TRIM24: variants seen among roughly 807,000 people sequenced by gnomAD.
The protein encoded by TRIM24 is transcription intermediary factor 1-alpha.
In TRIM24, 29 loss-of-function variants were observed where a neutral mutation model predicts 123.9. The ratio of observed to expected loss-of-function variants is 0.23; its 90% CI spans 0.17 to 0.32. The LOEUF is 0.32. Ranked by LOEUF, TRIM24 falls within the 10% of genes least tolerant of loss-of-function variation. The probability of loss-of-function intolerance (pLI) is 1.00; values close to 1 mark genes in which losing one functional copy is unlikely to be tolerated. For missense variants in TRIM24, 932 were observed against 1,295.3 expected, an observed-to-expected ratio of 0.72 and a Z score of 4.31; for synonymous variants, 456 against 461.1, an observed-to-expected ratio of 0.99 and a Z score of 0.14.
At chr7:138,533,317 A>G (rs1405410483) in intron 6 of TRIM24, among the ~76,000 whole-genome samples, 3 of 152,158 alleles carry the variant, frequency 2.0e-5, no homozygotes, top group Non-Finnish European at 4.4e-5. Flanking sequence ...GAATGCTTCC[A>G]GTTTTTGCCC....
At position 138,588,068 on chromosome 7, in the gene TRIM24, T is replaced by C. The variant is rs1192835416; in HGVS notation, c.*3117T>C. On this transcript the variant is annotated 3_prime_UTR_variant, in exon 19 of 19. Coordinates refer to ENST00000343526, the MANE Select transcript of TRIM24 (RefSeq NM_015905.3). ...ACTGCTATATTTTACTACCACATAG[T>C]AGTGTAGATGTAGTATAACTTGCTT... 6.6e-6 allele frequency: 1 copy of C among 152,158 alleles called. No individual in the cohort carries two copies. Among genetic ancestry groups the C allele is most frequent in the Non-Finnish European group, 1.5e-5 (1 of 68,020 alleles). The allele number at this position is 152,158 out of a possible 1,614,324, so 9.4% of individuals were successfully genotyped here. A position where few individuals can be genotyped will look rare whatever the true frequency, so the allele number is the denominator to read the frequency against.
chr7:138,512,395 CTG>C (rs1796308760), intron 2 of TRIM24, among the ~76,000 whole-genome samples: 1 of 152,204 alleles, frequency 6.6e-6, no homozygotes, highest in African/African-American at 2.4e-5. Flanking sequence ...CATTTCTCCT[CTG>C]TACTGCGCGA....
intron 2 of TRIM24, among the ~76,000 whole-genome samples, chr7:138,509,757 T>A (rs560148563): frequency 7.0e-6 from 1 of 142,148 alleles, no homozygotes; most frequent in Non-Finnish European, 1.5e-5. Flanking sequence ...ATAGACTAGA[T>A]ATAAGATTTT....
chr7:138,584,487 A>C (rs1797971528), intron 18 of TRIM24, among the ~76,000 whole-genome samples: 1 of 152,206 alleles, frequency 6.6e-6, no homozygotes, highest in African/African-American at 2.4e-5. Context: ...TGGAATCCTA[A>C]CTGATATGTG....
chr7:138,558,871 T>C (rs1476331648), intron 9 of TRIM24, among the ~76,000 whole-genome samples: 2 of 152,194 alleles, frequency 1.3e-5, no homozygotes, highest in Non-Finnish European at 2.9e-5. Context: ...TGTTGATAAG[T>C]GGACCAAGTC....
chr7:138,574,340 C>G (rs1213543944), intron 12 of TRIM24, among the ~76,000 whole-genome samples: 1 of 152,110 alleles, frequency 6.6e-6, no homozygotes, highest in Non-Finnish European at 1.5e-5. Context: ...GACGTAGGTA[C>G]CTTAAACCAA....
intron 13 of TRIM24, among the ~76,000 whole-genome samples, chr7:138,577,132 A>AT (rs1344003199): frequency 6.6e-6 from 1 of 152,250 alleles, no homozygotes; most frequent in Non-Finnish European, 1.5e-5. Flanking sequence ...CAGTTCTAAG[A>AT]TACTAAATCT....
At chr7:138,559,106 A>C (rs1395996773) in intron 9 of TRIM24, among the ~76,000 whole-genome samples, 1 of 152,198 alleles carries the variant, frequency 6.6e-6, no homozygotes, top group African/African-American at 2.4e-5. Flanking sequence ...ACTTCAAACC[A>C]AGTCTCAATA....
intron 1 of TRIM24, among the ~76,000 whole-genome samples, chr7:138,475,912 A>C (rs186621172): frequency 6.6e-6 from 1 of 152,308 alleles, no homozygotes; most frequent in East Asian, 1.9e-4. Flanking sequence ...AAAAGGGGTT[A>C]TTATAGTTAT....
rs1274168119 is a variant in TRIM24 at position 138,589,044 on chromosome 7, A to G, written c.*4093A>G. On this transcript the variant is annotated 3_prime_UTR_variant, in exon 19 of 19. Transcript: ENST00000343526. Reference sequence around the variant, plus strand: ...AAAAATGGTGACCATGCGTTCAACCATATAATTTCTTACTGAAATTGAGCT... The same window carrying G: ...AAAAATGGTGACCATGCGTTCAACCGTATAATTTCTTACTGAAATTGAGCT... 6.6e-6 allele frequency: 1 copy of G among 152,196 alleles called. No homozygotes were observed. The highest frequency in any genetic ancestry group is 1.5e-5 in the Non-Finnish European group (1 of 68,100). The allele number at this position is 152,196 out of a possible 1,614,324, so 9.4% of individuals were successfully genotyped here.
chr7:138,460,984 C>G, intron 1 of TRIM24, 72 bp downstream of exon 1: 2 of 1,309,340 alleles, frequency 1.5e-6, no homozygotes, highest in East Asian at 6.3e-5. Flanking sequence ...TTGTGCGGCG[C>G]GACCCGCTGT....
In TRIM24 at chr7:138,463,989, C is replaced by CATTTTTTTTTTT. The variant is rs1554429651; in HGVS notation, c.364+3077_364+3078insATTTTTTTTTTT. Among the ~76,000 whole-genome samples, 24 of 50,756 alleles carry CATTTTTTTTTTT rather than the reference C, an allele frequency of 4.7e-4. 4 individuals are homozygous for CATTTTTTTTTTT. The highest frequency in any genetic ancestry group is 2.0e-3 in the African/African-American group (24 of 12,206). 33.3% of individuals were successfully genotyped at this position (50,756 alleles called of 152,430 possible). A position where few individuals can be genotyped will look rare whatever the true frequency, so the allele number is the denominator to read the frequency against. ...ATACTAGCTGAAGCAAAAATTTAGACTTTTTTTTTTTTTTTTTTTTTTTGA... is the reference window on the plus strand; with the variant it reads ...ATACTAGCTGAAGCAAAAATTTAGACATTTTTTTTTTTTTTTTTTTTTTTTTTTTTTTTTTGA... On this transcript the variant is annotated intron_variant, in intron 1 of 18. Coordinates refer to ENST00000343526, the MANE Select transcript of TRIM24 (RefSeq NM_015905.3).
At chr7:138,584,383 C>A (rs995653166) in intron 18 of TRIM24, among the ~76,000 whole-genome samples, 5 of 152,130 alleles carry the variant, frequency 3.3e-5, no homozygotes, top group African/African-American at 1.2e-4. Flanking sequence ...AGACTTAGAA[C>A]CTTTTGCTGC....
chr7:138,535,713 G>A (rs575147160), intron 6 of TRIM24, among the ~76,000 whole-genome samples: 23 of 152,222 alleles, frequency 1.5e-4, no homozygotes, highest in Middle Eastern at 3.4e-3. Flanking sequence ...CTCTTCTCAA[G>A]GAGTATCTTT....
At chr7:138,490,811 A>AT (rs750265266) in intron 1 of TRIM24, 1 of 474,690 alleles carries the variant, frequency 2.1e-6, no homozygotes, top group Non-Finnish European at 4.1e-6. Flanking sequence ...GAATCAATGT[A>AT]TTGACCACAT....
At position 138,568,379 on chromosome 7, in the gene TRIM24, C is replaced by CTTTTTTTTTTTTTTTT. The variant is rs60386130; in HGVS notation, c.1704+740_1704+755dup. ...CTCGTAAGCCACCGTACCTGGCCTC[C>CTTTTTTTTTTTTTTTT]TTTTTTTTTTTTTTTTTTTTTTTTT... On this transcript the variant is annotated intron_variant, in intron 10 of 18. Coordinates refer to ENST00000343526, the MANE Select transcript of TRIM24 (RefSeq NM_015905.3). Among the ~76,000 whole-genome samples the CTTTTTTTTTTTTTTTT allele has an allele frequency of 1.1e-3, 76 of 68,692 alleles. 4 individuals are homozygous for CTTTTTTTTTTTTTTTT. Among genetic ancestry groups the CTTTTTTTTTTTTTTTT allele is most frequent in the Non-Finnish European group, 1.6e-3 (63 of 39,848 alleles). The allele number at this position is 68,692 out of a possible 152,430, so 45.1% of individuals were successfully genotyped here.
chr7:138,465,875 GA>G (rs1475802492), intron 1 of TRIM24, among the ~76,000 whole-genome samples: 1 of 152,148 alleles, frequency 6.6e-6, no homozygotes, highest in Non-Finnish European at 1.5e-5. Flanking sequence ...AAATAACTTA[GA>G]ATTGGAATTT....
intron 6 of TRIM24, among the ~76,000 whole-genome samples, chr7:138,532,639 G>A (rs966349627): frequency 4.6e-5 from 7 of 152,184 alleles, no homozygotes; most frequent in African/African-American, 1.7e-4. Flanking sequence ...TTTGAAGTCA[G>A]GTAGTGTGAT....
intron 1 of TRIM24, among the ~76,000 whole-genome samples, chr7:138,479,426 G>A (rs373662799): frequency 6.6e-6 from 1 of 151,680 alleles, no homozygotes; most frequent in East Asian, 1.9e-4. Context: ...AGGCCAGAGT[G>A]TAGTGGTGCA....
Sources: allele counts gnomAD v4.1 joint callset (sites outside exome capture counted in the v4.1 genomes callset), GRCh38; gene constraint gnomAD v4.1.1; transcripts MANE v1.5; gene names NCBI Gene and HGNC (gene_info 2026-07-23, HGNC 2026-07-21).